Variants in ABCA13 observed in about 807,000 individuals in gnomAD.
The protein encoded by ABCA13 is ATP-binding cassette sub-family A member 13.
Under a neutral mutation model 478.7 loss-of-function variants are expected in ABCA13, and 476 were observed. The observed-to-expected ratio is 0.99, with a 90% CI of 0.92 to 1.07. The LOEUF is 1.07. Ranked by LOEUF, ABCA13 falls within the 50% of genes least tolerant of loss-of-function variation. The pLI is 0.00. For missense variants in ABCA13, 6,060 were observed against 5,910.6 expected (o/e 1.03, Z -0.83); for synonymous variants, 2,252 against 2,158.9 (o/e 1.04, Z -1.20).
intron 29 of ABCA13, among the ~76,000 whole-genome samples, chr7:48,343,862 C>T (rs1358088125): frequency 6.6e-6 from 1 of 152,138 alleles, no homozygotes; most frequent in African/African-American, 2.4e-5. Flanking sequence ...TCAATATGAC[C>T]TTTCAATCTG....
At chr7:48,511,873 A>G (rs1831715346) in intron 51 of ABCA13, among the ~76,000 whole-genome samples, 1 of 152,208 alleles carries the variant, frequency 6.6e-6, no homozygotes, top group Non-Finnish European at 1.5e-5. Context: ...GCTATTTTAA[A>G]AGATAAAACA....
intron 2 of ABCA13, 51 bp downstream of exon 2, chr7:48,193,103 A>T (rs1389090770): frequency 7.0e-6 from 9 of 1,292,216 alleles, no homozygotes; most frequent in Non-Finnish European, 8.5e-6. Flanking sequence ...GGAGAAAAAA[A>T]ACTCATAGCA....
chr7:48,486,435 C>T (rs186080936), intron 47 of ABCA13, among the ~76,000 whole-genome samples: 9 of 152,250 alleles, frequency 5.9e-5, no homozygotes, highest in South Asian at 4.1e-4. Context: ...CTGTAATATG[C>T]GTCACCCTTT....
At chr7:48,233,569 T>G in intron 7 of ABCA13, among the ~76,000 whole-genome samples, 1 of 152,196 alleles carries the variant, frequency 6.6e-6, no homozygotes, top group Non-Finnish European at 1.5e-5. Flanking sequence ...TCCATAGTAT[T>G]TTATGCTATG....
chr7:48,284,643 ATTTAT>A (rs563077806), intron 19 of ABCA13, among the ~76,000 whole-genome samples: 44 of 152,368 alleles, frequency 2.9e-4, no homozygotes, highest in African/African-American at 1.0e-3. Context: ...ATGAATTTAT[ATTTAT>A]TTTGCCATTC....
chr7:48,388,979 A>G (rs1815619367), intron 36 of ABCA13, 61 bp from the exon 37 acceptor site: 14 of 1,531,476 alleles, frequency 9.1e-6, no homozygotes, highest in South Asian at 1.2e-5. Context: ...ATTAATAAAT[A>G]TGAGCATTAT....
chr7:48,400,010 T>C (rs1425073091), intron 38 of ABCA13, among the ~76,000 whole-genome samples: 9 of 152,058 alleles, frequency 5.9e-5, no homozygotes, highest in Admixed American at 5.9e-4. Context: ...CATATGCTAT[T>C]CTTTCTCCCC....
At chr7:48,593,547 AC>A (rs1167975699) in intron 57 of ABCA13, among the ~76,000 whole-genome samples, 2 of 152,082 alleles carry the variant, frequency 1.3e-5, no homozygotes, top group Non-Finnish European at 2.9e-5. Context: ...TGATTTATAC[AC>A]CAACATTAAA....
chr7:48,334,297 ATAC>A (rs1416737792), intron 27 of ABCA13, among the ~76,000 whole-genome samples: 6 of 151,058 alleles, frequency 4.0e-5, no homozygotes, highest in Non-Finnish European at 2.9e-5. Flanking sequence ...AGGTATTGGA[ATAC>A]TAATTTGTCT....
At chr7:48,601,161 T>G (rs1790856892) in intron 58 of ABCA13, among the ~76,000 whole-genome samples, 1 of 152,186 alleles carries the variant, frequency 6.6e-6, no homozygotes, top group Non-Finnish European at 1.5e-5. Context: ...ATTTTTTTTA[T>G]AATTTTTATC....
intron 2 of ABCA13, 88 bp from the exon 3 acceptor site, chr7:48,198,149 A>T: frequency 8.1e-7 from 1 of 1,237,620 alleles, no homozygotes; most frequent in Non-Finnish European, 1.1e-6. Context: ...TAATAATATG[A>T]TGTTATATAT....
At chr7:48,320,755 A>C (rs1160471264) in intron 27 of ABCA13, among the ~76,000 whole-genome samples, 1 of 152,246 alleles carries the variant, frequency 6.6e-6, no homozygotes, top group Non-Finnish European at 1.5e-5. Flanking sequence ...CCACTGGTGC[A>C]CAAAGTAGGT....
chr7:48,484,248 G>T lies in ABCA13; in HGVS notation c.13182+1085G>T, dbSNP rs1345709771. Among the ~76,000 whole-genome samples the T allele has an allele frequency of 5.3e-5, 8 of 152,130 alleles. No homozygotes were observed. The East Asian group carries it at 1.3e-3, about 26-fold the overall frequency. On this transcript the variant is annotated intron_variant, in intron 47 of 61. Coordinates refer to ENST00000435803, the MANE Select transcript of ABCA13 (RefSeq NM_152701.5). ...CAAAATTTTAACAGTCATGTATTAC[G>T]ATGTAATCTGGGAAAAATTTCCAGT...
rs1442572517 is a variant in ABCA13 at position 48,403,764 on chromosome 7, C to T, written c.11955C>T (p.Ser3985=). ...ALSGGLKRKL[S]LGIAFMGMSR... is the part of the protein sequence containing the mutation. ...CTGGAGGCCTGAAGAGGAAGCTCTCCCTTGGCATTGCTTTCATGGGCATGT... is the reference window on the plus strand; with the variant it reads ...CTGGAGGCCTGAAGAGGAAGCTCTCTCTTGGCATTGCTTTCATGGGCATGT... Residue 3985 remains serine, a synonymous_variant, in exon 39 of 62, where the codon TCC becomes TCT. Transcript: ENST00000435803. The T allele has an allele frequency of 3.1e-5, 50 of 1,613,884 alleles. No individual in the cohort carries two copies. The highest frequency in any genetic ancestry group is 4.1e-5 in the Non-Finnish European group (48 of 1,179,898).
chr7:48,453,120 A>T (rs1328346954), intron 42 of ABCA13, among the ~76,000 whole-genome samples: 2 of 152,214 alleles, frequency 1.3e-5, no homozygotes, highest in African/African-American at 4.8e-5. Context: ...AGAGCTGTAT[A>T]TGGATCACCA....
intron 47 of ABCA13, among the ~76,000 whole-genome samples, chr7:48,483,588 G>A (rs1828996638): frequency 6.6e-6 from 1 of 152,188 alleles, no homozygotes; most frequent in Admixed American, 6.5e-5. Context: ...CTACTCTTAG[G>A]AGTCCTGGAT....
intron 55 of ABCA13, among the ~76,000 whole-genome samples, chr7:48,544,200 T>G (rs970704639): frequency 2.0e-5 from 3 of 151,662 alleles, no homozygotes; most frequent in Non-Finnish European, 2.9e-5. Flanking sequence ...GGAGGGAAAT[T>G]TCCAGGTGCC....
Position 48,233,935 on chromosome 7 carries a change from A to G in ABCA13, c.764-83A>G, listed in dbSNP as rs1341407925. The G allele has an allele frequency of 2.2e-5, 34 of 1,511,146 alleles. 1 individual carries two copies. The East Asian group carries it at 8.1e-4, about 36-fold the overall frequency. 93.6% of individuals were successfully genotyped at this position (1,511,146 alleles called of 1,614,324 possible). A position where few individuals can be genotyped will look rare whatever the true frequency, so the allele number is the denominator to read the frequency against. ...ATTTGCTCTTCCTTTAGAGGTGAAA[A>G]AAGGTATTTTTTTTCTGGATTACAT... is the stretch of plus-strand genomic sequence containing the variant. On this transcript the variant is annotated intron_variant, in intron 7 of 61. Coordinates refer to ENST00000435803, the MANE Select transcript of ABCA13 (RefSeq NM_152701.5).
chr7:48,508,502 A>T (rs1259830439), intron 50 of ABCA13, among the ~76,000 whole-genome samples: 2 of 150,516 alleles, frequency 1.3e-5, no homozygotes, highest in African/African-American at 4.9e-5. Context: ...CCCAATGGAA[A>T]CCCTCCAGAT....
Sources: allele counts gnomAD v4.1 joint callset (sites outside exome capture counted in the v4.1 genomes callset), GRCh38; gene constraint gnomAD v4.1.1; transcripts MANE v1.5; gene names NCBI Gene and HGNC (gene_info 2026-07-23, HGNC 2026-07-21).